TMEM131: variants seen among roughly 807,000 people sequenced by gnomAD.
TMEM131 encodes 2610524E03Rik.
A neutral mutation model predicts 211.6 loss-of-function variants in TMEM131; 66 were observed. That is an observed-to-expected ratio of 0.31 (90% CI 0.26 to 0.38). The LOEUF (loss-of-function observed/expected upper bound fraction) is 0.38, where lower values mean the gene tolerates loss of function less well. TMEM131 is among the 10% of genes least tolerant of loss of function. The pLI is 1.00. For missense variants in TMEM131, 2,036 were observed against 2,299.3 expected (o/e 0.89, Z 2.34); for synonymous variants, 844 against 841.3 (o/e 1.00, Z -0.06).
At chr2:97,975,969 A>C (rs996591731) in intron 1 of TMEM131, among the ~76,000 whole-genome samples, 1 of 152,180 alleles carries the variant, frequency 6.6e-6, no homozygotes, top group African/African-American at 2.4e-5. Context: ...TGTTAACCAA[A>C]AAAATCCATG....
Position 97,760,609 on chromosome 2 carries a change from T to G in TMEM131, c.5092A>C (p.Ser1698Arg), listed in dbSNP as rs1240772747. 2 of 1,611,848 alleles carry G rather than the reference T, an allele frequency of 1.2e-6. No individual in the cohort carries two copies. The highest frequency in any genetic ancestry group is 2.7e-5 in the African/African-American group (2 of 74,926). The change falls in exon 38 of 41, where the codon AGC becomes CGC. Residue 1698 changes from serine (S) to arginine (R), a missense_variant. Ser to Arg is a moderately radical substitution (Grantham distance 110). Around this residue, in one of 3 missense-constraint regions of TMEM131, gnomAD observed 1,623 missense variants for 1,805.9 expected, o/e 0.90. Transcript: ENST00000186436. ...CTACCGTACCTGTCTGAGCCATCGCTGTCAACAGGAGCGTGTGAAATGCCA... is the reference window on the plus strand; with the variant it reads ...CTACCGTACCTGTCTGAGCCATCGCGGTCAACAGGAGCGTGTGAAATGCCA... ...SLGISHAPVD[S>R]DGSDSSGLWS...
At chr2:97,827,958 A>G (rs997697442) in intron 11 of TMEM131, among the ~76,000 whole-genome samples, 7 of 152,206 alleles carry the variant, frequency 4.6e-5, no homozygotes, top group Non-Finnish European at 1.0e-4. Context: ...TTTTTAGTAG[A>G]ATTGTTTCCT....
chr2:97,914,410 G>C (rs533204907), intron 2 of TMEM131, among the ~76,000 whole-genome samples: 1 of 152,182 alleles, frequency 6.6e-6, no homozygotes, highest in Admixed American at 6.5e-5. Context: ...ATTTGTGTTT[G>C]TTCATGTATT....
chr2:97,883,765 T>C (rs1211745120), intron 4 of TMEM131, among the ~76,000 whole-genome samples: 3 of 152,172 alleles, frequency 2.0e-5, no homozygotes, highest in South Asian at 2.1e-4. Context: ...TGATGTTCTT[T>C]ATTATAAAAT....
At chr2:97,927,739 GTTATA>G (rs1187295178) in intron 1 of TMEM131, among the ~76,000 whole-genome samples, 36 of 152,148 alleles carry the variant, frequency 2.4e-4, no homozygotes, top group Non-Finnish European at 5.9e-5. Context: ...ATCCATTACT[GTTATA>G]TTATGAGAAA....
At chr2:97,780,765 G>A (rs1573349389) in intron 31 of TMEM131, among the ~76,000 whole-genome samples, 1 of 152,182 alleles carries the variant, frequency 6.6e-6, no homozygotes, top group South Asian at 2.1e-4. Flanking sequence ...TCTCCCAGCT[G>A]TACGGGAACC....
Position 97,953,493 on chromosome 2 carries a change from G to T in TMEM131, c.188-26006C>A, listed in dbSNP as rs80110451. Among the ~76,000 whole-genome samples, 116 of 152,210 alleles carry T rather than the reference G, an allele frequency of 7.6e-4. No homozygotes were observed. In the East Asian group the frequency reaches 0.014, roughly 18 times the overall value. On this transcript the variant is annotated intron_variant, in intron 1 of 40. Transcript: ENST00000186436. ...ATCAATCCATCAATAAAAAAATACTGCTCCTAAAAGTAAATGCACCAAACA... is the reference window on the plus strand; with the variant it reads ...ATCAATCCATCAATAAAAAAATACTTCTCCTAAAAGTAAATGCACCAAACA...
At chr2:97,910,071 C>T (rs1004568496) in intron 2 of TMEM131, among the ~76,000 whole-genome samples, 6 of 152,104 alleles carry the variant, frequency 3.9e-5, no homozygotes, top group Non-Finnish European at 7.4e-5. Flanking sequence ...GGGCAAAGGA[C>T]TCAAACATTT....
At chr2:97,844,004 T>G (rs1683314763) in intron 6 of TMEM131, 141 bp downstream of exon 6, 1 of 336,798 alleles carries the variant, frequency 3.0e-6, no homozygotes, top group African/African-American at 2.1e-5. Context: ...AGATATTCAC[T>G]GTAAGTATAA....
At chr2:97,923,226 G>A (rs1676819855) in intron 2 of TMEM131, among the ~76,000 whole-genome samples, 1 of 152,192 alleles carries the variant, frequency 6.6e-6, no homozygotes, top group South Asian at 2.1e-4. Context: ...GCTGCAATGA[G>A]CTGAGATTGC....
intron 1 of TMEM131, among the ~76,000 whole-genome samples, chr2:97,944,202 T>C (rs1158091976): frequency 6.6e-6 from 1 of 152,158 alleles, no homozygotes; most frequent in Non-Finnish European, 1.5e-5. Context: ...ACTCAATTGA[T>C]GAATGCCAAG....
chr2:97,880,901 T>C (rs1231243377), intron 4 of TMEM131, among the ~76,000 whole-genome samples: 1 of 152,070 alleles, frequency 6.6e-6, no homozygotes, highest in African/African-American at 2.4e-5. Flanking sequence ...GAGGAAAACA[T>C]GGACAATGGT....
intron 7 of TMEM131, among the ~76,000 whole-genome samples, chr2:97,838,785 C>G (rs757497073): frequency 6.6e-6 from 1 of 151,864 alleles, no homozygotes; most frequent in Admixed American, 6.6e-5. Context: ...TGGCAGGGGC[C>G]GGGGAGTTGC....
intron 23 of TMEM131, 42 bp downstream of exon 23, chr2:97,802,610 T>C: frequency 6.2e-7 from 1 of 1,607,364 alleles, no homozygotes; most frequent in South Asian, 1.1e-5. Flanking sequence ...TTTATAATCC[T>C]AGTATGTATT....
chr2:97,985,480 T>C (rs1342873877), intron 1 of TMEM131, among the ~76,000 whole-genome samples: 3 of 151,822 alleles, frequency 2.0e-5, no homozygotes, highest in Non-Finnish European at 4.4e-5. Flanking sequence ...AAAAAGCAAA[T>C]AGCAACTTTA....
chr2:97,792,375 G>C lies in TMEM131; in HGVS notation c.4144+11C>G, dbSNP rs780661860. Reference sequence around the variant, plus strand: ...ACACATCACGGATCTCCGGCAGTGGGAGATGATTACCTTTGCTTTTTGGCA... The same window carrying C: ...ACACATCACGGATCTCCGGCAGTGGCAGATGATTACCTTTGCTTTTTGGCA... On this transcript the variant is annotated intron_variant, in intron 31 of 40. Transcript: ENST00000186436. 1 of 1,550,130 alleles carries C rather than the reference G, an allele frequency of 6.5e-7. No homozygotes were observed. The highest frequency in any genetic ancestry group is 8.7e-7 in the Non-Finnish European group (1 of 1,145,802).
rs75238327 is a variant in TMEM131 at position 97,950,944 on chromosome 2, G to A, written c.188-23457C>T. On this transcript the variant is annotated intron_variant, in intron 1 of 40. Coordinates refer to ENST00000186436, the MANE Select transcript of TMEM131 (RefSeq NM_015348.2). The stretch of plus-strand genomic sequence containing the variant: ...ATTTGCAGTAAAGAAAGTACAATAA[G>A]CTGGAAATAGCCAACAAACCAAGAG... Among the ~76,000 whole-genome samples, 490 of 152,286 alleles carry A rather than the reference G, an allele frequency of 3.2e-3. 7 individuals are homozygous for A. The East Asian group carries it at 0.041, about 13-fold the overall frequency.
intron 4 of TMEM131, among the ~76,000 whole-genome samples, chr2:97,877,944 T>C (rs1307718830): frequency 6.6e-6 from 1 of 152,188 alleles, no homozygotes; most frequent in South Asian, 2.1e-4. Flanking sequence ...AGAAAAGTTT[T>C]GCAATCTATC....
At chr2:97,804,376 G>T (rs1681188141) in intron 22 of TMEM131, among the ~76,000 whole-genome samples, 1 of 152,096 alleles carries the variant, frequency 6.6e-6, no homozygotes, top group African/African-American at 2.4e-5. Context: ...TAGAAAGGAA[G>T]GGGGTGGGCT....
Sources: allele counts gnomAD v4.1 joint callset (sites outside exome capture counted in the v4.1 genomes callset), GRCh38; gene constraint gnomAD v4.1.1; regional missense constraint gnomAD v4.1.1; transcripts MANE v1.5; gene names NCBI Gene and HGNC (gene_info 2026-07-23, HGNC 2026-07-21).